The following MID1 variants were observed in gnomAD, a reference collection of about 807,000 sequenced individuals.
The protein encoded by MID1 is midline 1.
In MID1, 7 loss-of-function variants were observed where a neutral mutation model predicts 40.4. That is an observed-to-expected ratio of 0.17 (90% CI 0.10 to 0.33). MID1 has a LOEUF of 0.33. Ranked by LOEUF, MID1 falls within the 10% of genes least tolerant of loss-of-function variation. The probability of loss-of-function intolerance (pLI) is 1.00; values close to 1 mark genes in which losing one functional copy is unlikely to be tolerated. For synonymous variants in MID1, 229 were observed against 221.2 expected (o/e 1.04, Z -0.31); for missense variants, 367 against 558.5 (o/e 0.66, Z 3.46).
intron 1 of MID1, among the ~76,000 whole-genome samples, chrX:10,768,538 A>C (rs2043745990): frequency 9.0e-6 from 1 of 111,205 alleles, no homozygotes; most frequent in Non-Finnish European, 1.9e-5. Flanking sequence ...TCTGGAGCCA[A>C]CTCTGCATGC....
intron 1 of MID1, among the ~76,000 whole-genome samples, chrX:10,638,006 C>T (rs191370574): frequency 2.2e-3 from 248 of 112,144 alleles, no homozygotes; most frequent in African/African-American, 7.5e-3. Context: ...TCGGCAAATA[C>T]ACTCGGGAAG....
chrX:10,502,247 T>G (rs1380861845), intron 3 of MID1, among the ~76,000 whole-genome samples: 1 of 112,347 alleles, frequency 8.9e-6, no homozygotes, highest in Non-Finnish European at 1.9e-5. Flanking sequence ...CTAGCATGCA[T>G]TTTAGAAACT....
chrX:10,757,407 G>A (rs1310259294), intron 1 of MID1, among the ~76,000 whole-genome samples: 1 of 112,093 alleles, frequency 8.9e-6, no homozygotes, highest in Non-Finnish European at 1.9e-5. Context: ...ATATTGACAA[G>A]CATCATTAGG....
intron 1 of MID1, among the ~76,000 whole-genome samples, chrX:10,809,116 T>A (rs1226190492): frequency 2.7e-5 from 3 of 111,623 alleles, no homozygotes; most frequent in South Asian, 3.8e-4. Context: ...AAGTGGGCGA[T>A]GGATATGAAC....
intron 5 of MID1, among the ~76,000 whole-genome samples, chrX:10,475,887 A>G (rs1256632417): frequency 8.9e-6 from 1 of 111,849 alleles, no homozygotes; most frequent in Non-Finnish European, 1.9e-5. Context: ...TTCATCTAGA[A>G]AAATTTCAGG....
intron 1 of MID1, among the ~76,000 whole-genome samples, chrX:10,590,256 A>G (rs1341435516): frequency 1.8e-5 from 2 of 111,795 alleles, no homozygotes; most frequent in Non-Finnish European, 3.8e-5. Flanking sequence ...GCGCCGGGCT[A>G]CCTGCCTTTA....
At chrX:10,830,615 C>T (rs2044246642) in intron 1 of MID1, among the ~76,000 whole-genome samples, 1 of 112,423 alleles carries the variant, frequency 8.9e-6, no homozygotes, top group South Asian at 3.7e-4. Context: ...AACAAATAAC[C>T]TTTAAAGCCA....
chrX:10,663,305 C>T (rs1237115230), intron 1 of MID1, among the ~76,000 whole-genome samples: 2 of 110,851 alleles, frequency 1.8e-5, no homozygotes, highest in Non-Finnish European at 3.8e-5. Flanking sequence ...ACCCTTCACC[C>T]CTAGCCCCTT....
At chrX:10,666,863 A>C (rs1384789353) in intron 1 of MID1, among the ~76,000 whole-genome samples, 1 of 112,059 alleles carries the variant, frequency 8.9e-6, no homozygotes, top group East Asian at 2.8e-4. Flanking sequence ...ATAGAAAGGC[A>C]GGGGCTTAAA....
intron 9 of MID1, among the ~76,000 whole-genome samples, chrX:10,454,525 C>T (rs1267281357): frequency 2.7e-5 from 3 of 112,101 alleles, no homozygotes; most frequent in African/African-American, 6.5e-5. Flanking sequence ...ACTTTATTTA[C>T]AAAACCAGGT....
chrX:10,710,166 A>C (rs1396361166), intron 1 of MID1, among the ~76,000 whole-genome samples: 1 of 111,242 alleles, frequency 9.0e-6, no homozygotes, highest in African/African-American at 3.3e-5. Context: ...TAGGGCAGGA[A>C]ATTCAGATGG....
At chrX:10,763,308 TC>T (rs1205505263) in intron 1 of MID1, among the ~76,000 whole-genome samples, 2 of 69,186 alleles carry the variant, frequency 2.9e-5, no homozygotes, top group African/African-American at 5.5e-5. Context: ...ATGCTATCCC[TC>T]CCCCCTTCCC....
intron 1 of MID1, among the ~76,000 whole-genome samples, chrX:10,640,050 A>C (rs927411536): frequency 2.7e-5 from 3 of 112,140 alleles, no homozygotes; most frequent in Non-Finnish European, 5.6e-5. Context: ...GGTACCAGCC[A>C]CAGCAAAAAC....
At chrX:10,776,367 A>G (rs1349133791) in intron 1 of MID1, among the ~76,000 whole-genome samples, 1 of 112,061 alleles carries the variant, frequency 8.9e-6, no homozygotes, top group Admixed American at 9.5e-5. Context: ...AGAATATCCA[A>G]TGTCAGGCTT....
intron 1 of MID1, among the ~76,000 whole-genome samples, chrX:10,723,708 C>T (rs1250035093): frequency 8.9e-6 from 1 of 112,332 alleles, no homozygotes; most frequent in Non-Finnish European, 1.9e-5. Context: ...CCCGCCACCG[C>T]GCCCGGCTAA....
chrX:10,565,862 C>T (rs1363763224), intron 2 of MID1, among the ~76,000 whole-genome samples: 1 of 103,158 alleles, frequency 9.7e-6, no homozygotes, highest in South Asian at 4.5e-4. Context: ...CAGGCTGGAG[C>T]GCAGTGGCGC....
chrX:10,448,620 T>C lies in MID1; in HGVS notation c.*748A>G, dbSNP rs771806572. The C allele has an allele frequency of 3.6e-5, 4 of 112,326 alleles. No individual in the cohort carries two copies. Among genetic ancestry groups the C allele is most frequent in the Non-Finnish European group, 5.6e-5 (3 of 53,310 alleles). 9.3% of individuals were successfully genotyped at this position (112,326 alleles called of 1,213,427 possible). ...TAGGATTCAAAATGACTATTTTCAA[T>C]TGCAATCTCATTCTTAATGTTCTTC... On this transcript the variant is annotated 3_prime_UTR_variant, in exon 10 of 10. Transcript: ENST00000317552.
chrX:10,638,578 G>A (rs1332932682), intron 1 of MID1, among the ~76,000 whole-genome samples: 1 of 112,443 alleles, frequency 8.9e-6, no homozygotes, highest in East Asian at 2.8e-4. Context: ...CACCTCTGGG[G>A]TCAGGGCATA....
At chrX:10,711,066 C>T (rs1258641391) in intron 1 of MID1, among the ~76,000 whole-genome samples, 2 of 111,677 alleles carry the variant, frequency 1.8e-5, no homozygotes, top group East Asian at 5.7e-4. Context: ...CATCCCCACC[C>T]CCCAGCCTCA....
Sources: gnomAD v4.1 joint callset for allele counts (sites outside exome capture counted in the v4.1 genomes callset) on GRCh38, gnomAD v4.1.1 for gene constraint, MANE v1.5 for transcripts, NCBI Gene and HGNC (gene_info 2026-07-23, HGNC 2026-07-21) for gene names.